The following POLR1B variants were observed in gnomAD, a reference collection of about 807,000 sequenced individuals.
POLR1B encodes the protein RNA polymerase I subunit B.
Under a neutral mutation model 105.8 loss-of-function variants are expected in POLR1B, and 30 were observed. That is an observed-to-expected ratio of 0.28 (90% confidence interval 0.21 to 0.38). The LOEUF (loss-of-function observed/expected upper bound fraction) is 0.38, where lower values mean the gene tolerates loss of function less well. Among genes scored for constraint, POLR1B ranks in the 10% least tolerant of loss-of-function variants. POLR1B has a pLI of 1.00. For missense variants in POLR1B, 976 were observed against 1,435.8 expected, an observed-to-expected ratio of 0.68 and a Z score of 5.17; for synonymous variants, 485 against 505.1, an observed-to-expected ratio of 0.96 and a Z score of 0.53.
intron 3 of POLR1B, 35 bp from the exon 4 acceptor site, chr2:112,549,231 CT>C: frequency 6.2e-7 from 1 of 1,608,684 alleles, no homozygotes; most frequent in Non-Finnish European, 8.5e-7. Context: ...AGTCATGTAT[CT>C]TTGTTTAACA....
chr2:112,568,919 A>G lies in POLR1B; in HGVS notation c.2074+17A>G. 6.2e-7 allele frequency: 1 copy of G among 1,610,640 alleles called. No individual in the cohort carries two copies. Among genetic ancestry groups the G allele is most frequent in the Non-Finnish European group, 8.5e-7 (1 of 1,177,562 alleles). ...GCCAGATGGGTAAGGAAGAGGGATG[A>G]TGTTACAGTCACAATCAGGAAAGTA... On this transcript the variant is annotated intron_variant, in intron 12 of 14. Coordinates refer to ENST00000263331, the MANE Select transcript of POLR1B (RefSeq NM_019014.6).
At position 112,573,720 on chromosome 2, in the gene POLR1B, T is replaced by C. The variant is rs749673037; in HGVS notation, c.2430T>C (p.Asp810=). The change falls in exon 14 of 15, where the codon GAT becomes GAC. Residue 810 remains aspartate, a synonymous_variant. Transcript: ENST00000263331. ...DPRVLQKLDD[D]GLPFIGAKLQ... is the part of the protein sequence containing the mutation. ...GCGTTCTGCAGAAGTTAGATGACGATGGATTGCCGTTTATAGGAGCAAAAC... is the reference window on the plus strand; with the variant it reads ...GCGTTCTGCAGAAGTTAGATGACGACGGATTGCCGTTTATAGGAGCAAAAC... 163 of 1,614,138 alleles carry C rather than the reference T, an allele frequency of 1.0e-4. No individual in the cohort carries two copies. Among genetic ancestry groups the C allele is most frequent in the Non-Finnish European group, 1.2e-4 (144 of 1,180,054 alleles).
At position 112,575,564 on chromosome 2, in the gene POLR1B, G is replaced by A; in HGVS notation, c.3243G>A (p.Leu1081=). ...GTGGCAGTTTACTCTCTCCACTGTT[G>A]GAGAAGCCACCCCCTTCTTGGTCTG... ...VKCGSLLSPL[L]EKPPPSWSAM... The change falls in exon 15 of 15, where the codon TTG becomes TTA. Residue 1081 remains leucine, a synonymous_variant. Coordinates refer to ENST00000263331, the MANE Select transcript of POLR1B (RefSeq NM_019014.6). The surrounding 1 kb of genome is among the most constrained non-coding windows in gnomAD (Gnocchi z 5.3). 6.2e-7 allele frequency: 1 copy of A among 1,614,092 alleles called. No homozygotes were observed. The highest frequency in any genetic ancestry group is 8.5e-7 in the Non-Finnish European group (1 of 1,180,016).
At chr2:112,568,699 T>A in intron 11 of POLR1B, 47 bp from the exon 12 acceptor site, 1 of 1,592,188 alleles carries the variant, frequency 6.3e-7, no homozygotes, top group East Asian at 2.2e-5. Flanking sequence ...AGAGTAAATG[T>A]GTAACCAGTT....
chr2:112,559,556 G>T lies in POLR1B; in HGVS notation c.1594G>T (p.Ala532Ser), dbSNP rs1437061727. The change falls in exon 9 of 15, where the codon GCT (alanine) becomes TCT (serine). Residue 532 changes from alanine (A) to serine (S), a missense_variant. This residue lies in a region of POLR1B where 184 missense variants were observed against 197.4 expected (regional missense o/e 0.93). Coordinates refer to ENST00000263331, the MANE Select transcript of POLR1B (RefSeq NM_019014.6). ...TQFVYTASIP[A>S]LLCNLGVTPI... ...GTTTGTGTATACGGCATCTATTCCA[G>T]CTTTACTGTGCAACTTGGGTATGTA... is the stretch of plus-strand genomic sequence containing the variant. 2.5e-6 allele frequency: 4 copies of T among 1,614,094 alleles called. No homozygotes were observed. Among genetic ancestry groups the T allele is most frequent in the Non-Finnish European group, 3.4e-6 (4 of 1,179,950 alleles).
chr2:112,563,215 C>T (rs985050315), intron 9 of POLR1B, among the ~76,000 whole-genome samples: 61 of 151,586 alleles, frequency 4.0e-4, no homozygotes, highest in African/African-American at 1.3e-3. Context: ...CCACCACGCC[C>T]GGCTAATTTT....
Position 112,549,256 on chromosome 2 carries a change from C to G in POLR1B, c.493-11C>G. ...CTTTGTTTAACAAGTTGCAATTCATCTTTTTGGCAGGAAATGGGGGGCTAT... is the reference window on the plus strand; with the variant it reads ...CTTTGTTTAACAAGTTGCAATTCATGTTTTTGGCAGGAAATGGGGGGCTAT... On this transcript the variant is annotated splice_polypyrimidine_tract_variant and intron_variant, in intron 3 of 14. Coordinates refer to ENST00000263331, the MANE Select transcript of POLR1B (RefSeq NM_019014.6). 6.2e-7 allele frequency: 1 copy of G among 1,612,208 alleles called. No individual in the cohort carries two copies. The highest frequency in any genetic ancestry group is 2.2e-5 in the East Asian group (1 of 44,838).
intron 3 of POLR1B, among the ~76,000 whole-genome samples, chr2:112,547,907 G>T (rs1307595841): frequency 6.6e-6 from 1 of 151,808 alleles, no homozygotes. Flanking sequence ...TATTTATCTG[G>T]GCATGGTGGT....
intron 10 of POLR1B, among the ~76,000 whole-genome samples, chr2:112,565,162 A>G (rs1288487676): frequency 2.0e-5 from 3 of 152,224 alleles, no homozygotes; most frequent in African/African-American, 7.2e-5. Flanking sequence ...ACAAATATCT[A>G]TTTAAGTCCT....
At chr2:112,550,809 G>T (rs1044499450) in intron 4 of POLR1B, 57 bp from the exon 5 acceptor site, 9 of 1,569,050 alleles carry the variant, frequency 5.7e-6, no homozygotes, top group African/African-American at 1.4e-5. Context: ...AAAGAAAATG[G>T]TTGAAGCAAT....
Position 112,568,069 on chromosome 2 carries a change from T to C in POLR1B, c.1849T>C (p.Cys617Arg). 3 of 1,614,052 alleles carry C rather than the reference T, an allele frequency of 1.9e-6. No homozygotes were observed. Among genetic ancestry groups the C allele is most frequent in the Non-Finnish European group, 2.5e-6 (3 of 1,179,898 alleles). ...YPGLFLFTTPCRLVRPVQNLA... is the reference protein window; with the variant it reads ...YPGLFLFTTPRRLVRPVQNLA... ...AGGATTGTTCCTTTTTACCACTCCT[T>C]GTAGACTGGTACGGCCTGTGCAGAA... The change falls in exon 11 of 15, where the codon TGT becomes CGT. Residue 617 changes from cysteine to arginine, a missense_variant. Cys to Arg is a radical substitution (Grantham distance 180, BLOSUM62 -3). Around this residue, in one of 12 missense-constraint regions of POLR1B, gnomAD observed 184 missense variants for 197.4 expected, o/e 0.93. Transcript: ENST00000263331.
chr2:112,557,832 C>A, intron 7 of POLR1B, 78 bp from the exon 8 acceptor site: 1 of 845,338 alleles, frequency 1.2e-6, no homozygotes, highest in South Asian at 6.4e-5. Flanking sequence ...GCGATCCACC[C>A]AATCCTGGGA....
At position 112,542,639 on chromosome 2, in the gene POLR1B, G is replaced by T; in HGVS notation, c.145G>T (p.Ala49Ser). The change falls in exon 1 of 15, where the codon GCT becomes TCT. Residue 49 changes from alanine (A) to serine (S), a missense_variant. By Grantham distance (99) the Ala-to-Ser change is moderately conservative. Transcript: ENST00000263331. Reference sequence around the variant, plus strand: ...GGCGCACGTGGAGTCCTTCAACTACGCTGTGCACGAGGGTCTCGGCCTCGC... The same window carrying T: ...GGCGCACGTGGAGTCCTTCAACTACTCTGTGCACGAGGGTCTCGGCCTCGC... Reference protein sequence around the residue: ...TRAHVESFNYAVHEGLGLAVQ... With the variant: ...TRAHVESFNYSVHEGLGLAVQ... 6.2e-7 allele frequency: 1 copy of T among 1,613,972 alleles called. No homozygotes were observed. Among genetic ancestry groups the T allele is most frequent in the Non-Finnish European group, 8.5e-7 (1 of 1,179,978 alleles).
At chr2:112,542,436 C>G, upstream of POLR1B, 3 of 1,329,552 alleles carry the variant, frequency 2.3e-6, no homozygotes, top group Non-Finnish European at 3.0e-6. Context: ...CCGGCGTGTA[C>G]CGAGAGACTG....
At chr2:112,544,030 A>G (rs1419686722) in intron 1 of POLR1B, among the ~76,000 whole-genome samples, 1 of 152,016 alleles carries the variant, frequency 6.6e-6, no homozygotes, top group African/African-American at 2.4e-5. Context: ...TTGAGGCTGC[A>G]ATGAGCTATG....
chr2:112,560,793 A>G (rs1181697744), intron 9 of POLR1B, among the ~76,000 whole-genome samples: 1 of 152,214 alleles, frequency 6.6e-6, no homozygotes, highest in African/African-American at 2.4e-5. Context: ...GTGGTGGCCC[A>G]TGCCTGTAAT....
At chr2:112,554,070 C>T (rs897956514) in intron 7 of POLR1B, among the ~76,000 whole-genome samples, 2 of 152,036 alleles carry the variant, frequency 1.3e-5, no homozygotes, top group South Asian at 2.1e-4. Flanking sequence ...TCAGGTGATC[C>T]ACCTGCCTCA....
chr2:112,572,353 CA>C (rs1294482154), intron 12 of POLR1B, among the ~76,000 whole-genome samples: 1 of 152,198 alleles, frequency 6.6e-6, no homozygotes, highest in African/African-American at 2.4e-5. Flanking sequence ...TCCCACTCAG[CA>C]TGGTTTTCCT....
At chr2:112,548,177 A>C (rs1162377456) in intron 3 of POLR1B, 3 of 152,272 alleles carry the variant, frequency 2.0e-5, no homozygotes, top group Admixed American at 6.5e-5. Context: ...AGTTGAGTTG[A>C]GGTAATCAAG....
Sources: allele counts gnomAD v4.1 joint callset (sites outside exome capture counted in the v4.1 genomes callset), GRCh38; gene constraint gnomAD v4.1.1; regional missense constraint gnomAD v4.1.1; non-coding constraint Gnocchi (gnomAD v3.1); transcripts MANE v1.5; gene names NCBI Gene and HGNC (gene_info 2026-07-23, HGNC 2026-07-21).